The following TIMM23B variants were observed in gnomAD, a reference collection of about 807,000 sequenced individuals.
TIMM23B encodes the protein translocase of inner mitochondrial membrane 23 homolog B, also known as mitochondrial import inner membrane translocase subunit Tim23B.
Under a neutral mutation model 27.3 loss-of-function variants are expected in TIMM23B, and 27 were observed. That is an observed-to-expected ratio of 0.99 (90% CI 0.73 to 1.36). The LOEUF (loss-of-function observed/expected upper bound fraction) is 1.36, where lower values mean the gene tolerates loss of function less well. TIMM23B is among the 40% of genes most tolerant of loss of function. The pLI, the probability that TIMM23B is intolerant of heterozygous loss-of-function variation, is 0.00. For synonymous variants in TIMM23B, 73 were observed against 92.4 expected (o/e 0.79, Z 1.21); for missense variants, 205 against 244.2 (o/e 0.84, Z 1.07).
intron 2 of TIMM23B, among the ~76,000 whole-genome samples, chr10:49,945,882 C>G (rs1339327890): frequency 2.0e-5 from 3 of 151,728 alleles, no homozygotes; most frequent in Admixed American, 1.3e-4. Context: ...TCCAACACCC[C>G]CTTTAATGAT....
chr10:49,952,048 T>C, intron 2 of TIMM23B, 78 bp from the exon 3 acceptor site: 1 of 1,118,724 alleles, frequency 8.9e-7, no homozygotes, highest in Non-Finnish European at 1.3e-6. Context: ...AAAAACTACT[T>C]GAAATGTTAA....
chr10:49,968,068 C>A (rs1410191446), intron 6 of TIMM23B, among the ~76,000 whole-genome samples: 1 of 152,158 alleles, frequency 6.6e-6, no homozygotes, highest in Non-Finnish European at 1.5e-5. Flanking sequence ...GAGTGCTGCC[C>A]TTGTACTGCC....
intron 5 of TIMM23B, among the ~76,000 whole-genome samples, chr10:49,955,579 C>T (rs1839689699): frequency 6.6e-6 from 1 of 152,198 alleles, no homozygotes; most frequent in East Asian, 1.9e-4. Flanking sequence ...TTTAGTAGTG[C>T]TTAGTCAGAG....
chr10:49,944,740 A>G (rs1420801889), intron 1 of TIMM23B, among the ~76,000 whole-genome samples: 1 of 152,222 alleles, frequency 6.6e-6, no homozygotes, highest in Non-Finnish European at 1.5e-5. Flanking sequence ...TAGCTTTGTA[A>G]ATGGCCTGGA....
At chr10:49,967,191 G>C (rs1840199147) in intron 6 of TIMM23B, among the ~76,000 whole-genome samples, 1 of 151,870 alleles carries the variant, frequency 6.6e-6, no homozygotes. Context: ...CCAAGTATTG[G>C]GATTACAGGT....
chr10:49,944,850 A>G (rs1839305810), intron 1 of TIMM23B, among the ~76,000 whole-genome samples, 182 bp from the exon 2 acceptor site: 1 of 152,196 alleles, frequency 6.6e-6, no homozygotes, highest in African/African-American at 2.4e-5. Flanking sequence ...TTTGGGATTG[A>G]GGGTCTCAGG....
At chr10:49,952,321 T>A (rs1215906096) in intron 3 of TIMM23B, 102 bp downstream of exon 3, 6 of 1,452,970 alleles carry the variant, frequency 4.1e-6, no homozygotes, top group African/African-American at 2.9e-5. Flanking sequence ...TTTTTTTTTT[T>A]AATATTTACA....
intron 6 of TIMM23B, among the ~76,000 whole-genome samples, chr10:49,960,210 A>ATT (rs71258794): frequency 1.5e-5 from 2 of 137,874 alleles, no homozygotes; most frequent in Non-Finnish European, 3.1e-5. Context: ...CACCCAGCTA[A>ATT]TTTTTTTTTT....
chr10:49,963,952 A>G (rs1302561159), intron 6 of TIMM23B, among the ~76,000 whole-genome samples: 682 of 151,994 alleles, frequency 4.5e-3, no homozygotes, highest in East Asian at 0.018. Flanking sequence ...GTGTTAGAAC[A>G]AGCCTCTGGC....
rs1409651068 is a variant in TIMM23B at position 49,942,093 on chromosome 10, C to T, written c.-102C>T. On this transcript the variant is annotated 5_prime_UTR_variant, in exon 1 of 7. Transcript: ENST00000651259. ...CCGGAATGTCAGCGTGTGAAGTAGG[C>T]GCTGGCAACGCGGGGTTACCCGCTG... is the stretch of plus-strand genomic sequence containing the variant. 6.6e-6 allele frequency: 9 copies of T among 1,373,146 alleles called. No homozygotes were observed. Among genetic ancestry groups the T allele is most frequent in the Non-Finnish European group, 6.9e-6 (7 of 1,019,380 alleles). The allele number at this position is 1,373,146 out of a possible 1,614,324, so 85.1% of individuals were successfully genotyped here. A position where few individuals can be genotyped will look rare whatever the true frequency, so the allele number is the denominator to read the frequency against.
At chr10:49,955,103 A>G (rs1839670883) in intron 5 of TIMM23B, 43 bp downstream of exon 5, 5 of 1,584,478 alleles carry the variant, frequency 3.2e-6, no homozygotes, top group Admixed American at 3.3e-5. Context: ...TAACTTAAAG[A>G]AAGAATGCAC....
At chr10:49,959,754 T>C (rs1839835966) in intron 6 of TIMM23B, among the ~76,000 whole-genome samples, 1 of 152,060 alleles carries the variant, frequency 6.6e-6, no homozygotes, top group Non-Finnish European at 1.5e-5. Context: ...ATTTTTTTTT[T>C]TTTCTTTCTT....
chr10:49,945,045 C>T lies in TIMM23B; in HGVS notation c.120C>T (p.Asn40=), dbSNP rs1839312626. 9.4e-6 allele frequency: 15 copies of T among 1,596,720 alleles called. No individual in the cohort carries two copies. Among genetic ancestry groups the T allele is most frequent in the Non-Finnish European group, 1.3e-5 (15 of 1,166,246 alleles). Residue 40 remains asparagine, a synonymous_variant, in exon 2 of 7, where the codon AAC becomes AAT. Coordinates refer to ENST00000651259, the MANE Select transcript of TIMM23B (RefSeq NM_001290117.2). Reference sequence around the variant, plus strand: ...TTTTCTCTCTAGTAACTGGTATGAACCCTCTGTGTCCTTATTTAAATGTGG... The same window carrying T: ...TTTTCTCTCTAGTAACTGGTATGAATCCTCTGTGTCCTTATTTAAATGTGG... ...DLAGVPLTGM[N]PLCPYLNVDP... is the part of the protein sequence containing the mutation.
In TIMM23B at chr10:49,945,894, A is replaced by G. The variant is rs1417845155; in HGVS notation, c.165+804A>G. On this transcript the variant is annotated intron_variant, in intron 2 of 6. Transcript: ENST00000651259. Reference sequence around the variant, plus strand: ...ACATCCAACACCCCCTTTAATGATTATAAAAACAAACTAGGCTGGGCGCAG... The same window carrying G: ...ACATCCAACACCCCCTTTAATGATTGTAAAAACAAACTAGGCTGGGCGCAG... Among the ~76,000 whole-genome samples the G allele has an allele frequency of 5.4e-4, 82 of 152,024 alleles. No individual in the cohort carries two copies. The Middle Eastern group carries it at 0.014, about 25-fold the overall frequency.
At chr10:49,946,821 T>C (rs1839368412) in intron 2 of TIMM23B, among the ~76,000 whole-genome samples, 2 of 149,384 alleles carry the variant, frequency 1.3e-5, no homozygotes, top group Non-Finnish European at 1.5e-5. Flanking sequence ...TATCCTAAAA[T>C]TCATATGGAA....
chr10:49,949,197 CTTTTTTTTTT>C, intron 2 of TIMM23B, among the ~76,000 whole-genome samples: 1 of 106,594 alleles, frequency 9.4e-6, no homozygotes, highest in East Asian at 3.0e-4. Context: ...CATGCCTGGC[CTTTTTTTTTT>C]TTTTTTTTTT....
intron 5 of TIMM23B, among the ~76,000 whole-genome samples, chr10:49,955,950 T>A: frequency 6.6e-6 from 1 of 152,268 alleles, no homozygotes; most frequent in Middle Eastern, 3.4e-3. Flanking sequence ...TTTTAATTGC[T>A]TGTATACCTA....
chr10:49,958,597 T>C, intron 6 of TIMM23B, 117 bp downstream of exon 6: 1 of 816,418 alleles, frequency 1.2e-6, no homozygotes, highest in South Asian at 1.7e-5. Context: ...TCTAACTTTA[T>C]GGTTATTTTG....
chr10:49,972,709 A>C, intron 6 of TIMM23B: 1 of 347,630 alleles, frequency 2.9e-6, no homozygotes, highest in East Asian at 5.4e-5. Context: ...CCCATTTCCA[A>C]ATGGCAATAA....
Sources: gnomAD v4.1 joint callset for allele counts (sites outside exome capture counted in the v4.1 genomes callset) on GRCh38, gnomAD v4.1.1 for gene constraint, MANE v1.5 for transcripts, NCBI Gene and HGNC (gene_info 2026-07-23, HGNC 2026-07-21) for gene names.